SAMD5: variants seen among roughly 807,000 people sequenced by gnomAD.
SAMD5 encodes sterile alpha motif domain containing 5.
A neutral mutation model predicts 11.3 loss-of-function variants in SAMD5; 13 were observed. That is an observed-to-expected ratio of 1.15 (90% CI 0.75 to 1.83). The LOEUF (loss-of-function observed/expected upper bound fraction) is 1.83. Among genes scored for constraint, SAMD5 ranks in the 40% most tolerant of loss-of-function variants. The probability of loss-of-function intolerance (pLI) is 0.00; values close to 1 mark genes in which losing one functional copy is unlikely to be tolerated. For missense variants in SAMD5, 255 were observed against 239.1 expected, an observed-to-expected ratio of 1.07 and a Z score of -0.44; for synonymous variants, 129 against 111.3, an observed-to-expected ratio of 1.16 and a Z score of -1.00.
At chr6:147,922,346 A>G in the SAMD5 span, among the ~76,000 whole-genome samples, 553 of 152,330 alleles carry the variant, frequency 3.6e-3, 3 homozygotes, top group African/African-American at 0.013. Flanking sequence ...AATTTAAAGC[A>G]GTTAAAAGCA....
At chr6:147,584,325 T>A (rs1055530821) in intron 1 of SAMD5, among the ~76,000 whole-genome samples, 1 of 152,206 alleles carries the variant, frequency 6.6e-6, no homozygotes, top group Non-Finnish European at 1.5e-5. Context: ...AAGAACTATC[T>A]TTTGCCTTTA....
the SAMD5 span, among the ~76,000 whole-genome samples, chr6:147,936,942 G>A: frequency 6.6e-6 from 1 of 152,152 alleles, no homozygotes; most frequent in African/African-American, 2.4e-5. Context: ...GGCATGAACA[G>A]GGACTGTGTA....
chr6:147,705,644 TAATC>T (rs1277276340), intron 1 of SAMD5, among the ~76,000 whole-genome samples: 4 of 152,338 alleles, frequency 2.6e-5, no homozygotes, highest in South Asian at 4.1e-4. Context: ...CATTGTGTAT[TAATC>T]AATCAAAATG....
At position 147,609,201 on chromosome 6, in the gene SAMD5, C is replaced by T. The variant is rs113794962; in HGVS notation, c.162+99814C>T. On this transcript the variant is annotated intron_variant, in intron 1 of 1. Coordinates refer to the SAMD5 transcript ENST00000566741. Reference sequence around the variant, plus strand: ...ATGAGATAATCAAGTTAAAACAAGGCCATTAGAGTGGGCCCTAATCCAATA... The same window carrying T: ...ATGAGATAATCAAGTTAAAACAAGGTCATTAGAGTGGGCCCTAATCCAATA... Among the ~76,000 whole-genome samples, 837 of 152,212 alleles carry T rather than the reference C, an allele frequency of 5.5e-3. 9 individuals carry two copies. Among genetic ancestry groups the T allele is most frequent in the African/African-American group, 0.02 (814 of 41,518 alleles).
the SAMD5 span, among the ~76,000 whole-genome samples, chr6:147,892,126 T>A: frequency 6.6e-6 from 1 of 152,164 alleles, no homozygotes; most frequent in African/African-American, 2.4e-5. Flanking sequence ...CCTCTCTCCC[T>A]CTCTTCCTGT....
the SAMD5 span, among the ~76,000 whole-genome samples, chr6:147,775,436 G>A: frequency 5.9e-5 from 9 of 152,098 alleles, no homozygotes; most frequent in African/African-American, 1.7e-4. Flanking sequence ...ATAAAGTAAT[G>A]TTAACTATTA....
At position 147,682,753 on chromosome 6, in the gene SAMD5, C is replaced by G. The variant is rs902336120; in HGVS notation, c.163-54564C>G. ...AAATAATTATCCTTACTGGTCTTTACATTTTTAAATCTTATCTTTGTAGGA... is the reference window on the plus strand; with the variant it reads ...AAATAATTATCCTTACTGGTCTTTAGATTTTTAAATCTTATCTTTGTAGGA... On this transcript the variant is annotated intron_variant, in intron 1 of 1. Coordinates refer to the SAMD5 transcript ENST00000566741. 2.1e-5 allele frequency among the ~76,000 whole-genome samples: 3 copies of G among 144,920 alleles called. No homozygotes were observed. In the Admixed American group the frequency reaches 2.1e-4, roughly 10 times the overall value.
chr6:147,727,665 C>CTT lies in SAMD5; in HGVS notation c.163-9640_163-9639dup, dbSNP rs758485967. Among the ~76,000 whole-genome samples, 12 of 142,874 alleles carry CTT rather than the reference C, an allele frequency of 8.4e-5. 1 individual carries two copies. In the South Asian group the frequency reaches 1.3e-3, roughly 16 times the overall value. 93.7% of individuals were successfully genotyped at this position (142,874 alleles called of 152,430 possible). A position where few individuals can be genotyped will look rare whatever the true frequency, so the allele number is the denominator to read the frequency against. ...GGCCACTAGAGACTTAGGCATCTGG[C>CTT]TTTTTTTTTTTTTCCCCAGATTGGT... On this transcript the variant is annotated intron_variant, in intron 1 of 1. Transcript: ENST00000566741.
the SAMD5 span, among the ~76,000 whole-genome samples, chr6:147,752,996 C>T: frequency 6.6e-6 from 1 of 152,102 alleles, no homozygotes; most frequent in South Asian, 2.1e-4. Context: ...CCTTATTGCC[C>T]TAGAGCAGTA....
intron 1 of SAMD5, among the ~76,000 whole-genome samples, chr6:147,542,624 G>C (rs1276503843): frequency 6.6e-6 from 1 of 152,098 alleles, no homozygotes; most frequent in Non-Finnish European, 1.5e-5. Context: ...GGTGGGGGCC[G>C]CAAGATCAGA....
intron 1 of SAMD5, among the ~76,000 whole-genome samples, chr6:147,683,317 G>A (rs570392758): frequency 6.6e-6 from 1 of 152,172 alleles, no homozygotes; most frequent in South Asian, 2.1e-4. Flanking sequence ...TATTTCCTAA[G>A]AGTGATTTTT....
At chr6:147,926,102 G>A in the SAMD5 span, among the ~76,000 whole-genome samples, 1 of 152,118 alleles carries the variant, frequency 6.6e-6, no homozygotes, top group African/African-American at 2.4e-5. Context: ...GGGCACTTAG[G>A]TTGATTCCAT....
intron 1 of SAMD5, among the ~76,000 whole-genome samples, chr6:147,526,026 C>T (rs1788333822): frequency 6.6e-6 from 1 of 152,112 alleles, no homozygotes; most frequent in African/African-American, 2.4e-5. Context: ...GACACTTCAT[C>T]AGTGTCACCT....
At chr6:147,713,146 C>G (rs576272530) in intron 1 of SAMD5, among the ~76,000 whole-genome samples, 3 of 152,328 alleles carry the variant, frequency 2.0e-5, no homozygotes, top group African/African-American at 7.2e-5. Context: ...TGTTTGTTGA[C>G]TGCGTTTTGC....
At chr6:147,751,893 A>C in the SAMD5 span, among the ~76,000 whole-genome samples, 1 of 152,168 alleles carries the variant, frequency 6.6e-6, no homozygotes, top group East Asian at 1.9e-4. Flanking sequence ...AATAAATAGA[A>C]GATGGTACAT....
intron 1 of SAMD5, among the ~76,000 whole-genome samples, chr6:147,658,656 T>A (rs1054449449): frequency 6.8e-6 from 1 of 146,148 alleles, no homozygotes; most frequent in African/African-American, 2.5e-5. Context: ...CATCTCCTAC[T>A]GGGTTTTTTT....
At chr6:147,620,962 CTGTG>C (rs78040354) in intron 1 of SAMD5, among the ~76,000 whole-genome samples, 3,432 of 128,542 alleles carry the variant, frequency 0.027, 63 homozygotes, top group Middle Eastern at 0.044. Flanking sequence ...GTATGTGCCT[CTGTG>C]TGTGTGTGTG....
chr6:147,537,365 G>A (rs559109674), intron 1 of SAMD5, among the ~76,000 whole-genome samples: 1 of 152,052 alleles, frequency 6.6e-6, no homozygotes, highest in East Asian at 1.9e-4. Flanking sequence ...AAATATTAAA[G>A]GTTTAAAACA....
the SAMD5 span, among the ~76,000 whole-genome samples, chr6:147,916,153 T>C: frequency 1.3e-5 from 2 of 152,258 alleles, no homozygotes; most frequent in Admixed American, 6.5e-5. Context: ...AGTCTATTAT[T>C]GTTGGACATT....
Sources: gnomAD v4.1 joint callset for allele counts (sites outside exome capture counted in the v4.1 genomes callset) on GRCh38, gnomAD v4.1.1 for gene constraint, MANE v1.5 for transcripts, NCBI Gene and HGNC (gene_info 2026-07-23, HGNC 2026-07-21) for gene names.